DNAH1: variants seen among roughly 807,000 people sequenced by gnomAD.
The protein encoded by DNAH1 is axonemal beta dynein heavy chain 1.
Under a neutral mutation model 484.3 loss-of-function variants are expected in DNAH1, and 327 were observed. The ratio of observed to expected loss-of-function variants is 0.68; its 90% CI spans 0.62 to 0.74. DNAH1 has a LOEUF of 0.74. Ranked by LOEUF, DNAH1 falls within the 30% of genes least tolerant of loss-of-function variation. The pLI is 0.00. For synonymous variants in DNAH1, 2,192 were observed against 2,191.9 expected (o/e 1.00, Z 0.00); for missense variants, 5,052 against 5,546.8 (o/e 0.91, Z 2.83).
chr3:52,393,422 C>G lies in DNAH1; in HGVS notation c.10563C>G (p.His3521Gln), dbSNP rs747769106. 1 of 1,614,056 alleles carries G rather than the reference C, an allele frequency of 6.2e-7. No homozygotes were observed. Among genetic ancestry groups the G allele is most frequent in the African/African-American group, 1.3e-5 (1 of 75,056 alleles). Residue 3521 changes from histidine (H) to glutamine (Q), a missense_variant, in exon 66 of 78, where the codon CAC becomes CAG. By Grantham distance (24) the His-to-Gln change is conservative. Around this residue, in one of 4 missense-constraint regions of DNAH1, gnomAD observed 2,929 missense variants for 3,409.4 expected, o/e 0.86. Transcript: ENST00000420323. The part of the protein sequence containing the change: ...SNVCRSLFEK[H>Q]KLMFAFLLCV... ...TCTGCCGCAGCCTCTTTGAGAAGCA[C>G]AAGCTGATGTTTGCCTTCCTGCTGT...
rs1578139879 is a variant in DNAH1 at position 52,360,086 on chromosome 3, A to G, written c.4571+7A>G. ...AGTGGATCTCACAGCTGAGGTGAGGACATGGGGGGCGCCCCCAGGGCCAGA... is the reference window on the plus strand; with the variant it reads ...AGTGGATCTCACAGCTGAGGTGAGGGCATGGGGGGCGCCCCCAGGGCCAGA... On this transcript the variant is annotated splice_region_variant and intron_variant, in intron 27 of 77. Coordinates refer to ENST00000420323, the MANE Select transcript of DNAH1 (RefSeq NM_015512.5). The G allele has an allele frequency of 6.2e-7, 1 of 1,613,760 alleles. No homozygotes were observed. The highest frequency in any genetic ancestry group is 1.3e-5 in the African/African-American group (1 of 75,064).
At position 52,349,273 on chromosome 3, in the gene DNAH1, G is replaced by A. The variant is rs1165165586; in HGVS notation, c.2379G>A (p.Leu793=). 1 of 1,613,848 alleles carries A rather than the reference G, an allele frequency of 6.2e-7. No homozygotes were observed. The highest frequency in any genetic ancestry group is 1.3e-5 in the African/African-American group (1 of 74,920). Residue 793 remains leucine, a synonymous_variant, in exon 14 of 78, where the codon CTG becomes CTA. Transcript: ENST00000420323. The stretch of plus-strand genomic sequence containing the variant: ...CCCACCTGCGGGAGAAGGAGATCCT[G>A]GACAGCTCGCTGCCCAGCAGCATCA... ...VLTHLREKEI[L]DSSLPSSIII... is the part of the protein sequence containing the mutation.
In DNAH1 at chr3:52,388,491, G is replaced by A. The variant is rs745784230; in HGVS notation, c.9245G>A (p.Arg3082His). Residue 3082 changes from arginine to histidine, a missense_variant, in exon 58 of 78, where the codon CGT becomes CAT. This residue lies in a region of DNAH1 where 2,929 missense variants were observed against 3,409.4 expected (regional missense o/e 0.86). Transcript: ENST00000420323. The part of the protein sequence containing the change: ...RILDEAKQRL[R>H]EVEDGIATMQ... ...CTGGATGAGGCAAAACAGCGCCTTCGTGAGGTGGAGGACGGCATCGCCACA... is the reference window on the plus strand; with the variant it reads ...CTGGATGAGGCAAAACAGCGCCTTCATGAGGTGGAGGACGGCATCGCCACA... The A allele has an allele frequency of 1.4e-5, 23 of 1,612,726 alleles. No homozygotes were observed. Among genetic ancestry groups the A allele is most frequent in the Non-Finnish European group, 1.8e-5 (21 of 1,179,410 alleles).
chr3:52,328,492 A>G (rs115042284), intron 6 of DNAH1, among the ~76,000 whole-genome samples: 1,725 of 152,232 alleles, frequency 0.011, 34 homozygotes, highest in African/African-American at 0.039. Flanking sequence ...CACACCCCCA[A>G]CAACCTCTCT....
chr3:52,312,224 T>G (rs17052061), upstream of DNAH1, among the ~76,000 whole-genome samples: 29,567 of 152,010 alleles, frequency 0.19, 3,390 homozygotes, highest in African/African-American at 0.31. Context: ...ACTGGGAGCA[T>G]CCAATCCTGC....
At chr3:52,352,408 A>T (rs1487397700) in intron 17 of DNAH1, 144 bp from the exon 18 acceptor site, 2 of 1,184,062 alleles carry the variant, frequency 1.7e-6, no homozygotes, top group Non-Finnish European at 2.3e-6. Flanking sequence ...TGCTGTGAGG[A>T]ACCTGCTCAC....
rs1177170061 is a variant in DNAH1 at position 52,331,028 on chromosome 3, C to T, written c.872-120C>T. 13 of 1,271,130 alleles carry T rather than the reference C, an allele frequency of 1.0e-5. 1 individual carries two copies. Among genetic ancestry groups the T allele is most frequent in the Admixed American group, 5.5e-5 (2 of 36,688 alleles). 78.7% of individuals were successfully genotyped at this position (1,271,130 alleles called of 1,614,324 possible). A position where few individuals can be genotyped will look rare whatever the true frequency, so the allele number is the denominator to read the frequency against. On this transcript the variant is annotated intron_variant, in intron 6 of 77. Coordinates refer to ENST00000420323, the MANE Select transcript of DNAH1 (RefSeq NM_015512.5). ...GCTGGAGCAGAGGGGGGCATCCCAG[C>T]GGGAGAGACGCCAGACTGGTGATCT...
Position 52,395,099 on chromosome 3 carries a change from T to A in DNAH1, c.10968+40T>A. 1 of 1,585,258 alleles carries A rather than the reference T, an allele frequency of 6.3e-7. No homozygotes were observed. On this transcript the variant is annotated intron_variant, in intron 68 of 77. Coordinates refer to ENST00000420323, the MANE Select transcript of DNAH1 (RefSeq NM_015512.5). The surrounding 1 kb of genome is among the most constrained non-coding windows in gnomAD (Gnocchi z 4.4). ...CCTGGCAGGACTGGCACCTTGAGCT[T>A]GTCCCCACCCTGGGTCCCAGGGCCC...
At chr3:52,363,219 G>A (rs1702937311) in intron 32 of DNAH1, 75 bp downstream of exon 32, 2 of 1,581,150 alleles carry the variant, frequency 1.3e-6, no homozygotes, top group East Asian at 4.5e-5. Flanking sequence ...CACCTGCTGA[G>A]GGCCAGGCTC....
chr3:52,362,460 C>G lies in DNAH1; in HGVS notation c.5053C>G (p.Pro1685Ala). The change falls in exon 31 of 78, where the codon CCG becomes GCG. Residue 1685 changes from proline (P) to alanine (A), a missense_variant. By Grantham distance (27) the Pro-to-Ala change is conservative. Around this residue, in one of 4 missense-constraint regions of DNAH1, gnomAD observed 2,929 missense variants for 3,409.4 expected, o/e 0.86. Coordinates refer to ENST00000420323, the MANE Select transcript of DNAH1 (RefSeq NM_015512.5). The surrounding 1 kb of genome is among the most constrained non-coding windows in gnomAD (Gnocchi z 5.1). ...CTGCGCAGTGTTTATCACCATGAAC[C>G]CGGGCTACGCTGGCCGCACGGAGCT... ...PSCAVFITMN[P>A]GYAGRTELPD... 6.2e-7 allele frequency: 1 copy of G among 1,613,994 alleles called. No homozygotes were observed. Among genetic ancestry groups the G allele is most frequent in the Admixed American group, 1.7e-5 (1 of 60,006 alleles).
intron 59 of DNAH1, 87 bp downstream of exon 59, chr3:52,389,024 G>A: frequency 2.1e-6 from 3 of 1,425,208 alleles, no homozygotes; most frequent in Non-Finnish European, 2.8e-6. Context: ...ATGATAGGCA[G>A]CCTGCAGGTG....
At chr3:52,372,422 T>A (rs779407303) in intron 43 of DNAH1, 35 bp downstream of exon 43, 2 of 1,608,346 alleles carry the variant, frequency 1.2e-6, no homozygotes, top group South Asian at 2.2e-5. Flanking sequence ...CACCCCTGCA[T>A]CCTCCCAGCC....
rs966000446 is a variant in DNAH1, at chr3:52,385,932, G to C, written c.8626-228G>C. ...GGTGCCTGCAGGCTTAGGGGGCCCT[G>C]CCTGTGGGGCACTTACATCCAAACT... On this transcript the variant is annotated intron_variant, in intron 54 of 77. Coordinates refer to ENST00000420323, the MANE Select transcript of DNAH1 (RefSeq NM_015512.5). Among the ~76,000 whole-genome samples, 6 of 152,348 alleles carry C rather than the reference G, an allele frequency of 3.9e-5. No individual in the cohort carries two copies. The South Asian group carries it at 1.0e-3, about 26-fold the overall frequency.
chr3:52,393,487 T>C lies in DNAH1; in HGVS notation c.10626+2T>C. 6.2e-7 allele frequency: 1 copy of C among 1,613,888 alleles called. No homozygotes were observed. Among genetic ancestry groups the C allele is most frequent in the South Asian group, 1.1e-5 (1 of 91,066 alleles). On this transcript the variant is annotated splice_donor_variant, in intron 66 of 77. Coordinates refer to ENST00000420323, the MANE Select transcript of DNAH1 (RefSeq NM_015512.5). LOFTEE classifies it high-confidence loss of function. ...ATGAACGAGGGCAAAATCAACCAGG[T>C]GCTGGCAGAGACACCCAGGACAGAC...
In DNAH1 at chr3:52,366,864, G is replaced by A. The variant is rs752921625; in HGVS notation, c.5742G>A (p.Glu1914=). The change falls in exon 36 of 78, where the codon GAG becomes GAA. Residue 1914 remains glutamate, a synonymous_variant. Transcript: ENST00000420323. ...TCACGATGGGCCAGCTGTACGGGGA[G>A]TTTGACCTCCTCACCCATGAGTGGT... ...KSITMGQLYG[E]FDLLTHEWTD... 1.6e-5 allele frequency: 26 copies of A among 1,613,604 alleles called. No homozygotes were observed. The highest frequency in any genetic ancestry group is 2.0e-5 in the Non-Finnish European group (24 of 1,179,606).
At chr3:52,386,134 G>A in intron 54 of DNAH1, 26 bp from the exon 55 acceptor site, 1 of 1,598,288 alleles carries the variant, frequency 6.3e-7, no homozygotes, top group Non-Finnish European at 8.5e-7. Context: ...AAGGGGGGAG[G>A]ACATCCCTAT....
In DNAH1 at chr3:52,388,504, C is replaced by T. The variant is rs780085331; in HGVS notation, c.9258C>T (p.Asp3086=). 1.5e-5 allele frequency: 24 copies of T among 1,612,452 alleles called. No individual in the cohort carries two copies. The highest frequency in any genetic ancestry group is 4.5e-5 in the East Asian group (2 of 44,842). ...AACAGCGCCTTCGTGAGGTGGAGGA[C>T]GGCATCGCCACAATGCAGGCTAAGT... is the stretch of plus-strand genomic sequence containing the variant. The part of the protein sequence containing the change: ...EAKQRLREVE[D]GIATMQAKYR... Residue 3086 remains aspartate (D), a synonymous_variant, in exon 58 of 78, where the codon GAC becomes GAT. Transcript: ENST00000420323.
chr3:52,317,340 G>T (rs769556938), intron 1 of DNAH1, among the ~76,000 whole-genome samples: 23 of 152,096 alleles, frequency 1.5e-4, no homozygotes, highest in Admixed American at 4.6e-4. Flanking sequence ...GAGGGGTGTC[G>T]GGCGCATCCG....
At position 52,359,328 on chromosome 3, in the gene DNAH1, C is replaced by A; in HGVS notation, c.4349C>A (p.Ala1450Glu). The change falls in exon 26 of 78, where the codon GCA becomes GAA. Residue 1450 changes from alanine to glutamate, a missense_variant. Ala to Glu is a moderately radical substitution (Grantham distance 107). Around this residue, in one of 4 missense-constraint regions of DNAH1, gnomAD observed 2,929 missense variants for 3,409.4 expected, o/e 0.86. Transcript: ENST00000420323. ...CAGACCTACTGGACCATGGAGGTGG[C>A]AGAGGCTCTGGAGGCCGGCAACCTC... The part of the protein sequence containing the change: ...GCQTYWTMEV[A>E]EALEAGNLRS... 1 of 1,569,906 alleles carries A rather than the reference C, an allele frequency of 6.4e-7. No individual in the cohort carries two copies. Among genetic ancestry groups the A allele is most frequent in the Non-Finnish European group, 8.6e-7 (1 of 1,156,782 alleles).
Sources: allele counts gnomAD v4.1 joint callset (sites outside exome capture counted in the v4.1 genomes callset), GRCh38; gene constraint gnomAD v4.1.1; regional missense constraint gnomAD v4.1.1; non-coding constraint Gnocchi (gnomAD v3.1); transcripts MANE v1.5; gene names NCBI Gene and HGNC (gene_info 2026-07-23, HGNC 2026-07-21).